ESRRA: variants seen among roughly 807,000 people sequenced by gnomAD.
ESRRA encodes estrogen related receptor alpha, also known as steroid hormone receptor ERR1.
A neutral mutation model predicts 35.6 loss-of-function variants in ESRRA; 7 were observed. The observed-to-expected ratio is 0.20, with a 90% confidence interval of 0.11 to 0.37. The LOEUF is 0.37. ESRRA is among the 10% of genes least tolerant of loss of function. ESRRA has a pLI of 1.00. For missense variants in ESRRA, 378 were observed against 561.7 expected, an observed-to-expected ratio of 0.67 and a Z score of 3.31; for synonymous variants, 223 against 246.9, an observed-to-expected ratio of 0.90 and a Z score of 0.91.
At chr11:64,307,119 A>C (rs1181493050) in intron 1 of ESRRA, 49 bp from the exon 2 acceptor site, 1 of 1,450,478 alleles carries the variant, frequency 6.9e-7, no homozygotes, top group Non-Finnish European at 9.3e-7. Context: ...GGTGTCTCCC[A>C]TCCCCCATAC....
In ESRRA at chr11:64,315,112, C is replaced by T. The variant is rs777753477; in HGVS notation, c.854C>T (p.Ala285Val). 2.5e-6 allele frequency: 4 copies of T among 1,612,172 alleles called. No homozygotes were observed. Among genetic ancestry groups the T allele is most frequent in the African/African-American group, 2.7e-5 (2 of 74,918 alleles). Reference sequence around the variant, plus strand: ...TCACTGCCACTGCAGGATGAGCTGGCCTTCGCTGAGGACTTAGTCCTGGAT... The same window carrying T: ...TCACTGCCACTGCAGGATGAGCTGGTCTTCGCTGAGGACTTAGTCCTGGAT... The part of the protein sequence containing the change: ...QRSLPLQDEL[A>V]FAEDLVLDEE... Residue 285 changes from alanine (A) to valine (V), a missense_variant, in exon 6 of 7, where the codon GCC (alanine) becomes GTC (valine). This residue lies in a region of ESRRA where 284 missense variants were observed against 411.7 expected (regional missense o/e 0.69). Coordinates refer to ENST00000000442, the MANE Select transcript of ESRRA (RefSeq NM_004451.5).
chr11:64,316,206 G>GC lies in ESRRA; in HGVS notation c.*245dup, dbSNP rs2035258795. 1 of 484,268 alleles carries GC rather than the reference G, an allele frequency of 2.1e-6. No individual in the cohort carries two copies. The highest frequency in any genetic ancestry group is 3.7e-6 in the Non-Finnish European group (1 of 273,824). 30.0% of individuals were successfully genotyped at this position (484,268 alleles called of 1,614,324 possible). A position where few individuals can be genotyped will look rare whatever the true frequency, so the allele number is the denominator to read the frequency against. Reference sequence around the variant, plus strand: ...TGCTGCCCCTTGCAAGCCATAACGTGCCCCCAGAGTGTAGGGGGCCTTGCG... The same window carrying GC: ...TGCTGCCCCTTGCAAGCCATAACGTGCCCCCCAGAGTGTAGGGGGCCTTGCG... On this transcript the variant is annotated 3_prime_UTR_variant, in exon 7 of 7. Transcript: ENST00000000442.
At chr11:64,314,579 A>G (rs41294410) in intron 4 of ESRRA, among the ~76,000 whole-genome samples, 162 bp from the exon 5 acceptor site, 444 of 152,224 alleles carry the variant, frequency 2.9e-3, no homozygotes, top group African/African-American at 9.9e-3. Context: ...CCACAAACAC[A>G]CGGGCTTTCC....
At position 64,314,347 on chromosome 11, in the gene ESRRA, C is replaced by A. The variant is rs1262657397; in HGVS notation, c.551C>A (p.Ala184Asp). Residue 184 changes from alanine to aspartate, a missense_variant, in exon 4 of 7, where the codon GCT (alanine) becomes GAT (aspartate). Coordinates refer to ENST00000000442, the MANE Select transcript of ESRRA (RefSeq NM_004451.5). ...GPFPAGPLAV[A>D]GGPRKTAAPV... ...TTCCCTGCTGGGCCCCTGGCAGTCGCTGGAGGCCCCCGGAAGACAGGTGAG... is the reference window on the plus strand; with the variant it reads ...TTCCCTGCTGGGCCCCTGGCAGTCGATGGAGGCCCCCGGAAGACAGGTGAG... 1 of 1,590,662 alleles carries A rather than the reference C, an allele frequency of 6.3e-7. No homozygotes were observed. Among genetic ancestry groups the A allele is most frequent in the Non-Finnish European group, 8.6e-7 (1 of 1,168,534 alleles).
chr11:64,308,187 G>A (rs2135249357), intron 2 of ESRRA, among the ~76,000 whole-genome samples: 1 of 152,248 alleles, frequency 6.6e-6, no homozygotes. Flanking sequence ...CTTGAGAGGG[G>A]CTACATCATA....
intron 2 of ESRRA, among the ~76,000 whole-genome samples, chr11:64,312,617 C>T (rs758231721): frequency 2.3e-4 from 35 of 152,186 alleles, no homozygotes; most frequent in Non-Finnish European, 4.9e-4. Context: ...AGTGCTGGGG[C>T]CAGTTCCTGC....
chr11:64,312,314 AC>A (rs1487196062), intron 2 of ESRRA, among the ~76,000 whole-genome samples: 1 of 151,744 alleles, frequency 6.6e-6, no homozygotes, highest in African/African-American at 2.4e-5. Flanking sequence ...TAATTTTTGT[AC>A]TTTTAGTAGA....
At chr11:64,308,396 A>G (rs1026991201) in intron 2 of ESRRA, among the ~76,000 whole-genome samples, 1 of 151,606 alleles carries the variant, frequency 6.6e-6, no homozygotes, top group African/African-American at 2.4e-5. Flanking sequence ...CGCGCCTGTA[A>G]TCTCAGCTAC....
At chr11:64,306,077 G>C (rs980911557) in intron 1 of ESRRA, 9 of 152,506 alleles carry the variant, frequency 5.9e-5, no homozygotes, top group African/African-American at 2.2e-4. Context: ...AGACGGGGAG[G>C]GCTCTATGTC....
chr11:64,310,435 C>T (rs181601106), intron 2 of ESRRA, among the ~76,000 whole-genome samples: 10 of 149,402 alleles, frequency 6.7e-5, no homozygotes, highest in African/African-American at 2.2e-4. Context: ...GGGGTTTCAG[C>T]GTGTTAGCCA....
At position 64,316,075 on chromosome 11, in the gene ESRRA, G is replaced by A. The variant is rs928611879; in HGVS notation, c.*109G>A. ...TGGGCAGTGCCACAGCCTGCTGGCA[G>A]GGCCAGGGCAATGCCATCAGCCCCT... On this transcript the variant is annotated 3_prime_UTR_variant, in exon 7 of 7. Coordinates refer to ENST00000000442, the MANE Select transcript of ESRRA (RefSeq NM_004451.5). 5.3e-6 allele frequency: 7 copies of A among 1,312,418 alleles called. No individual in the cohort carries two copies. In the African/African-American group the frequency reaches 1.0e-4, roughly 19 times the overall value. 81.3% of individuals were successfully genotyped at this position (1,312,418 alleles called of 1,614,324 possible). A position where few individuals can be genotyped will look rare whatever the true frequency, so the allele number is the denominator to read the frequency against.
chr11:64,314,678 T>G, intron 4 of ESRRA, 63 bp from the exon 5 acceptor site: 1 of 1,516,650 alleles, frequency 6.6e-7, no homozygotes, highest in African/African-American at 1.4e-5. Context: ...TGTGGGAAGA[T>G]GCTTGACCCC....
In ESRRA at chr11:64,314,831, A is replaced by G. The variant is rs771919241; in HGVS notation, c.662A>G (p.His221Arg). Residue 221 changes from histidine (H) to arginine (R), a missense_variant, in exon 5 of 7, where the codon CAC (histidine) becomes CGC (arginine). Around this residue, in one of 4 missense-constraint regions of ESRRA, gnomAD observed 284 missense variants for 411.7 expected, o/e 0.69. Coordinates refer to ENST00000000442, the MANE Select transcript of ESRRA (RefSeq NM_004451.5). ...CCTGACCCCGCAGGCCCTGATGGGC[A>G]CCTCCCAGCCGTGGCTACCCTCTGT... is the stretch of plus-strand genomic sequence containing the variant. Reference protein sequence around the residue: ...AMPDPAGPDGHLPAVATLCDL... With the variant: ...AMPDPAGPDGRLPAVATLCDL... 6.2e-7 allele frequency: 1 copy of G among 1,612,222 alleles called. No individual in the cohort carries two copies. Among genetic ancestry groups the G allele is most frequent in the Admixed American group, 1.7e-5 (1 of 60,016 alleles).
At chr11:64,308,339 A>C (rs2035073969) in intron 2 of ESRRA, among the ~76,000 whole-genome samples, 1 of 151,284 alleles carries the variant, frequency 6.6e-6, no homozygotes, top group South Asian at 2.1e-4. Flanking sequence ...GGGTGGTGAA[A>C]CCGCATCTCT....
chr11:64,313,875 G>A lies in ESRRA; in HGVS notation c.326-76G>A, dbSNP rs1481090320. On this transcript the variant is annotated intron_variant, in intron 2 of 6. Coordinates refer to ENST00000000442, the MANE Select transcript of ESRRA (RefSeq NM_004451.5). The surrounding 1 kb of genome is among the most constrained non-coding windows in gnomAD (Gnocchi z 4.0). ...CCAGACCTGTGCTTGCCCGGGGAGA[G>A]TCAGGGCTCTCCTGTCAGCTGGGTC... 1.7e-5 allele frequency: 18 copies of A among 1,038,574 alleles called. No individual in the cohort carries two copies. The highest frequency in any genetic ancestry group is 8.0e-5 in the East Asian group (3 of 37,690). 64.3% of individuals were successfully genotyped at this position (1,038,574 alleles called of 1,614,324 possible).
rs1354421330 is a variant in ESRRA at position 64,307,409 on chromosome 11, G to A, written c.230G>A (p.Arg77His). ...GKLVLSSLPK[R>H]LCLVCGDVAS... ...CTGGTGCTCAGCTCCCTGCCCAAGC[G>A]CCTCTGCCTGGTCTGTGGGGACGTG... The change falls in exon 2 of 7, where the codon CGC becomes CAC. Residue 77 changes from arginine to histidine, a missense_variant. By Grantham distance (29) the Arg-to-His change is conservative. Coordinates refer to ENST00000000442, the MANE Select transcript of ESRRA (RefSeq NM_004451.5). 1.3e-6 allele frequency: 2 copies of A among 1,588,780 alleles called. No homozygotes were observed. The highest frequency in any genetic ancestry group is 2.3e-5 in the East Asian group (1 of 44,348).
chr11:64,307,222 G>A lies in ESRRA; in HGVS notation c.43G>A (p.Ala15Thr). 1 of 1,609,178 alleles carries A rather than the reference G, an allele frequency of 6.2e-7. No homozygotes were observed. ...VVGIEPLYIK[A>T]EPASPDSPKG... is the part of the protein sequence containing the mutation. ...GGGCATTGAGCCTCTCTACATCAAG[G>A]CAGAGCCGGCCAGCCCTGACAGTCC... is the stretch of plus-strand genomic sequence containing the variant. The change falls in exon 2 of 7, where the codon GCA becomes ACA. Residue 15 changes from alanine (A) to threonine (T), a missense_variant. Transcript: ENST00000000442.
chr11:64,312,407 T>C (rs896506929), intron 2 of ESRRA, among the ~76,000 whole-genome samples: 1 of 152,208 alleles, frequency 6.6e-6, no homozygotes, highest in African/African-American at 2.4e-5. Flanking sequence ...CCCAAAGTGC[T>C]GGGATTACAG....
Position 64,316,720 on chromosome 11 carries a change from A to AT in ESRRA, c.*754_*755insT. 1 of 637,498 alleles carries AT rather than the reference A, an allele frequency of 1.6e-6. No individual in the cohort carries two copies. The highest frequency in any genetic ancestry group is 2.8e-6 in the Non-Finnish European group (1 of 354,256). The allele number at this position is 637,498 out of a possible 1,614,324, so 39.5% of individuals were successfully genotyped here. A position where few individuals can be genotyped will look rare whatever the true frequency, so the allele number is the denominator to read the frequency against. On this transcript the variant is annotated 3_prime_UTR_variant, in exon 7 of 7. Coordinates refer to ENST00000000442, the MANE Select transcript of ESRRA (RefSeq NM_004451.5). ...GGTTTTAAACCTTTAATGAGAAAAA[A>AT]ATATATAATACCGAGCTCAAAAACA...
Sources: gnomAD v4.1 joint callset for allele counts (sites outside exome capture counted in the v4.1 genomes callset) on GRCh38, gnomAD v4.1.1 for gene constraint, gnomAD v4.1.1 regional missense constraint, Gnocchi (gnomAD v3.1) non-coding constraint, MANE v1.5 for transcripts, NCBI Gene and HGNC (gene_info 2026-07-23, HGNC 2026-07-21) for gene names.